ATP2B2: variants seen among roughly 807,000 people sequenced by gnomAD.
ATP2B2 encodes the protein ATPase plasma membrane Ca2+ transporting 2.
Under a neutral mutation model 120.0 loss-of-function variants are expected in ATP2B2, and 15 were observed. The observed-to-expected ratio is 0.12, with a 90% CI of 0.08 to 0.19. The LOEUF (loss-of-function observed/expected upper bound fraction) is 0.19, where lower values mean the gene tolerates loss of function less well. Ranked by LOEUF, ATP2B2 falls within the 10% of genes least tolerant of loss-of-function variation. The pLI, the probability that ATP2B2 is intolerant of heterozygous loss-of-function variation, is 1.00. For missense variants in ATP2B2, 1,045 were observed against 1,719.8 expected, an observed-to-expected ratio of 0.61 and a Z score of 6.94; for synonymous variants, 694 against 700.3, an observed-to-expected ratio of 0.99 and a Z score of 0.14.
chr3:10,434,029 T>TA (rs201064707), intron 2 of ATP2B2, among the ~76,000 whole-genome samples: 106 of 147,758 alleles, frequency 7.2e-4, no homozygotes, highest in Admixed American at 1.1e-3. Flanking sequence ...CTTTAAAGTG[T>TA]AAAAAAAAAA....
At chr3:10,623,592 G>A (rs762179322) in intron 1 of ATP2B2, among the ~76,000 whole-genome samples, 1 of 152,316 alleles carries the variant, frequency 6.6e-6, no homozygotes, top group East Asian at 1.9e-4. Context: ...TCCTTCGAAA[G>A]TTCAGGGACT....
chr3:10,491,982 C>T (rs936706255), intron 1 of ATP2B2, among the ~76,000 whole-genome samples: 3 of 152,126 alleles, frequency 2.0e-5, no homozygotes, highest in African/African-American at 4.8e-5. Flanking sequence ...AATAGGGTAT[C>T]GACAGTGTGG....
intron 2 of ATP2B2, among the ~76,000 whole-genome samples, chr3:10,597,449 T>C (rs2068800228): frequency 6.6e-6 from 1 of 151,672 alleles, no homozygotes; most frequent in South Asian, 2.1e-4. Flanking sequence ...CTACAGGGAG[T>C]TGCAGGCATG....
chr3:10,494,614 C>T (rs763374614), intron 1 of ATP2B2, among the ~76,000 whole-genome samples: 14 of 152,322 alleles, frequency 9.2e-5, no homozygotes, highest in South Asian at 2.1e-4. Flanking sequence ...AAGAACACCA[C>T]AACACACTGC....
chr3:10,497,107 G>C (rs2125390324), intron 1 of ATP2B2, among the ~76,000 whole-genome samples: 1 of 152,360 alleles, frequency 6.6e-6, no homozygotes, highest in African/African-American at 2.4e-5. Flanking sequence ...CCCTTCCACT[G>C]TTTGTGGTGG....
At chr3:10,525,704 G>A (rs73811923) in intron 3 of ATP2B2, among the ~76,000 whole-genome samples, 11,945 of 151,964 alleles carry the variant, frequency 0.079, 859 homozygotes, top group African/African-American at 0.18. Context: ...CTCAGAAGGG[G>A]TATTTTGGGC....
chr3:10,413,576 G>C (rs2062685561), intron 2 of ATP2B2, among the ~76,000 whole-genome samples: 1 of 152,184 alleles, frequency 6.6e-6, no homozygotes, highest in Non-Finnish European at 1.5e-5. Flanking sequence ...AAGTGCGTGG[G>C]AACACTTCCT....
Position 10,447,763 on chromosome 3 carries a change from C to T in ATP2B2, c.199+1582G>A, listed in dbSNP as rs149619381. Among the ~76,000 whole-genome samples the T allele has an allele frequency of 2.3e-3, 356 of 152,302 alleles. 2 individuals are homozygous for T. The highest frequency in any genetic ancestry group is 6.7e-3 in the Admixed American group (103 of 15,300). ...CCAAGCAAAGCCGATGCCCATTTTA[C>T]GGCCACAAGCAGCTGTTTTTAAGCC... is the stretch of plus-strand genomic sequence containing the variant. On this transcript the variant is annotated intron_variant, in intron 2 of 22. Transcript: ENST00000360273.
intron 1 of ATP2B2, among the ~76,000 whole-genome samples, chr3:10,657,410 T>C (rs777714901): frequency 9.9e-5 from 15 of 152,238 alleles, no homozygotes; most frequent in Admixed American, 2.0e-4. Flanking sequence ...TGCCCTTTTT[T>C]GGAAATTGAT....
chr3:10,380,911 T>A (rs1421851919), intron 8 of ATP2B2, among the ~76,000 whole-genome samples: 1 of 152,256 alleles, frequency 6.6e-6, no homozygotes, highest in African/African-American at 2.4e-5. Context: ...GCAAGTGTCA[T>A]CTCTTGTCAG....
intron 8 of ATP2B2, among the ~76,000 whole-genome samples, chr3:10,384,980 A>G (rs993786101): frequency 1.3e-5 from 2 of 152,330 alleles, no homozygotes; most frequent in Middle Eastern, 3.4e-3. Flanking sequence ...CTTGGGAGCC[A>G]ATCTGAAGCC....
At chr3:10,496,964 G>A (rs902476823) in intron 1 of ATP2B2, among the ~76,000 whole-genome samples, 8 of 152,226 alleles carry the variant, frequency 5.3e-5, no homozygotes. Flanking sequence ...GTCTCCAGGA[G>A]GGAATTTTGC....
chr3:10,509,890 G>A (rs1391062884), upstream of ATP2B2, among the ~76,000 whole-genome samples: 3 of 152,144 alleles, frequency 2.0e-5, no homozygotes, highest in Non-Finnish European at 4.4e-5. Flanking sequence ...CAAGTGACTC[G>A]ACCTCCCTGA....
At chr3:10,569,823 A>G (rs7629483) in intron 2 of ATP2B2, among the ~76,000 whole-genome samples, 24,332 of 152,118 alleles carry the variant, frequency 0.16, 2,235 homozygotes, top group South Asian at 0.29. Flanking sequence ...TTCACAGCAT[A>G]GACTGCTCTT....
intron 2 of ATP2B2, among the ~76,000 whole-genome samples, chr3:10,415,234 G>A (rs144990251): frequency 6.6e-6 from 1 of 152,202 alleles, no homozygotes; most frequent in East Asian, 1.9e-4. Context: ...GCTTCAACAC[G>A]ATGTCTCACG....
chr3:10,689,478 C>T (rs1392156455), intron 1 of ATP2B2, among the ~76,000 whole-genome samples: 2 of 151,958 alleles, frequency 1.3e-5, no homozygotes, highest in Admixed American at 6.6e-5. Context: ...AAAATTAACA[C>T]AAAACAAAGA....
At chr3:10,545,689 C>G (rs2067531009) in intron 2 of ATP2B2, among the ~76,000 whole-genome samples, 1 of 152,156 alleles carries the variant, frequency 6.6e-6, no homozygotes, top group South Asian at 2.1e-4. Flanking sequence ...ATCATTTGAT[C>G]ATAAAGATGT....
intron 2 of ATP2B2, among the ~76,000 whole-genome samples, chr3:10,571,608 T>G (rs541907078): frequency 6.6e-6 from 1 of 152,328 alleles, no homozygotes; most frequent in African/African-American, 2.4e-5. Context: ...GCCAGGCTAC[T>G]CAGCTCAGCT....
chr3:10,556,130 C>T (rs1014582427), intron 2 of ATP2B2, among the ~76,000 whole-genome samples: 1 of 152,186 alleles, frequency 6.6e-6, no homozygotes, highest in South Asian at 2.1e-4. Context: ...AAACTCCGGA[C>T]CTGAAGTGAT....
Sources: gnomAD v4.1 joint callset for allele counts (sites outside exome capture counted in the v4.1 genomes callset) on GRCh38, gnomAD v4.1.1 for gene constraint, MANE v1.5 for transcripts, NCBI Gene and HGNC (gene_info 2026-07-23, HGNC 2026-07-21) for gene names.